PRKN: variants seen among roughly 807,000 people sequenced by gnomAD.
PRKN encodes the protein parkin RBR E3 ubiquitin protein ligase, also known as E3 ubiquitin-protein ligase parkin.
In PRKN, 56 loss-of-function variants were observed where a neutral mutation model predicts 59.5. The ratio of observed to expected loss-of-function variants is 0.94; its 90% CI spans 0.76 to 1.18. PRKN has a LOEUF of 1.18. Among genes scored for constraint, PRKN ranks in the 50% most tolerant of loss-of-function variants. The pLI, the probability that PRKN is intolerant of heterozygous loss-of-function variation, is 0.00. For synonymous variants in PRKN, 250 were observed against 222.1 expected (o/e 1.13, Z -1.12); for missense variants, 657 against 596.4 (o/e 1.10, Z -1.06).
intron 6 of PRKN, among the ~76,000 whole-genome samples, chr6:161,836,144 G>T (rs540468563): frequency 6.6e-6 from 1 of 152,316 alleles, no homozygotes; most frequent in African/African-American, 2.4e-5. Context: ...TTTACAGCCA[G>T]CTTTGGGGGT....
intron 4 of PRKN, among the ~76,000 whole-genome samples, chr6:162,076,783 A>T (rs1034841706): frequency 1.3e-5 from 2 of 152,134 alleles, no homozygotes; most frequent in Non-Finnish European, 2.9e-5. Context: ...CTTTTCTTAA[A>T]ATTTGCTCTT....
chr6:161,842,377 C>A (rs1184274148), intron 6 of PRKN, among the ~76,000 whole-genome samples: 1 of 150,722 alleles, frequency 6.6e-6, no homozygotes, highest in Non-Finnish European at 1.5e-5. Context: ...GAGGCTGAGG[C>A]AGGAGGATCA....
Position 161,545,326 on chromosome 6 carries a change from A to G in PRKN, c.1083+3528T>C, listed in dbSNP as rs1008646104. Reference sequence around the variant, plus strand: ...CGTCTAGGGCTTTTTCCACATCTGGAACTCTGTAATTCTTCTATAGCTTTG... The same window carrying G: ...CGTCTAGGGCTTTTTCCACATCTGGGACTCTGTAATTCTTCTATAGCTTTG... On this transcript the variant is annotated intron_variant, in intron 9 of 11. Transcript: ENST00000366898. The surrounding 1 kb of genome is among the most constrained non-coding windows in gnomAD (Gnocchi z 4.1). The G allele has an allele frequency of 4.4e-6, 7 of 1,589,658 alleles. No individual in the cohort carries two copies. In the Admixed American group the frequency reaches 7.1e-5, roughly 16 times the overall value.
intron 1 of PRKN, among the ~76,000 whole-genome samples, chr6:162,715,443 A>G (rs184461506): frequency 6.6e-6 from 1 of 152,356 alleles, no homozygotes; most frequent in African/African-American, 2.4e-5. Flanking sequence ...AGTCTGAAGT[A>G]CACAAACCTT....
chr6:162,224,371 C>T (rs557044409), intron 3 of PRKN, among the ~76,000 whole-genome samples: 7 of 152,220 alleles, frequency 4.6e-5, no homozygotes, highest in Middle Eastern at 3.4e-3. Context: ...AGGTTTGCAG[C>T]CTAAGAGCAA....
chr6:162,510,961 C>CAT (rs10569158), intron 1 of PRKN, among the ~76,000 whole-genome samples: 30 of 151,064 alleles, frequency 2.0e-4, no homozygotes, highest in East Asian at 7.8e-4. Context: ...AACATATATA[C>CAT]ATATATATAT....
At chr6:162,499,875 A>T (rs1236956268) in intron 1 of PRKN, among the ~76,000 whole-genome samples, 2 of 152,202 alleles carry the variant, frequency 1.3e-5, no homozygotes, top group African/African-American at 4.8e-5. Context: ...CAAATATATC[A>T]TCTTTTCTAG....
At chr6:161,868,273 T>C (rs1794204331) in intron 6 of PRKN, among the ~76,000 whole-genome samples, 1 of 146,142 alleles carries the variant, frequency 6.8e-6, no homozygotes, top group Admixed American at 6.6e-5. Flanking sequence ...GAGGTGATTG[T>C]TACAATTGAA....
chr6:162,184,842 T>C (rs1373526832), intron 4 of PRKN, among the ~76,000 whole-genome samples: 2 of 152,188 alleles, frequency 1.3e-5, no homozygotes, highest in African/African-American at 2.4e-5. Context: ...AGTTTTGGTA[T>C]ATAAACCTTT....
Position 162,068,878 on chromosome 6 carries a change from G to A in PRKN, c.535-14704C>T, listed in dbSNP as rs569814985. On this transcript the variant is annotated intron_variant, in intron 4 of 11. Transcript: ENST00000366898. ...TCATCTTCATGTCTGTCCATGCCCC[G>A]TTTAACAAATTAGGAGAAGGAGCTT... 2.5e-3 allele frequency among the ~76,000 whole-genome samples: 387 copies of A among 152,170 alleles called. 2 individuals carry two copies. Among genetic ancestry groups the A allele is most frequent in the South Asian group, 0.013 (62 of 4,820 alleles).
chr6:162,340,625 C>T (rs377262984), intron 2 of PRKN, among the ~76,000 whole-genome samples: 12 of 152,224 alleles, frequency 7.9e-5, no homozygotes, highest in South Asian at 2.1e-4. Context: ...AATAACACCA[C>T]GCATCTACAA....
intron 4 of PRKN, among the ~76,000 whole-genome samples, chr6:162,054,586 G>C (rs1777782554): frequency 1.3e-5 from 2 of 152,114 alleles, no homozygotes; most frequent in Non-Finnish European, 2.9e-5. Flanking sequence ...ACAGAGCAAG[G>C]GCTGTCTGTC....
intron 4 of PRKN, among the ~76,000 whole-genome samples, chr6:162,110,477 A>G (rs1780382570): frequency 6.6e-6 from 1 of 152,232 alleles, no homozygotes. Context: ...CATTTTTCTC[A>G]AACTGTTCTT....
chr6:162,657,102 T>A (rs1307259109), intron 1 of PRKN, among the ~76,000 whole-genome samples: 1 of 152,192 alleles, frequency 6.6e-6, no homozygotes, highest in African/African-American at 2.4e-5. Flanking sequence ...GAACACCACC[T>A]AGTACATGGC....
chr6:162,697,847 A>C (rs2128236238), intron 1 of PRKN, among the ~76,000 whole-genome samples: 1 of 152,358 alleles, frequency 6.6e-6, no homozygotes, highest in Non-Finnish European at 1.5e-5. Context: ...TAGTAAAAAA[A>C]GTAAATATTC....
intron 2 of PRKN, among the ~76,000 whole-genome samples, chr6:162,339,885 G>T (rs9765905): frequency 6.8e-6 from 1 of 147,170 alleles, no homozygotes; most frequent in Non-Finnish European, 1.5e-5. Context: ...ACTCAGGGTT[G>T]AATGGATTAA....
At chr6:161,855,764 G>GTTC (rs1793624743) in intron 6 of PRKN, among the ~76,000 whole-genome samples, 1 of 151,952 alleles carries the variant, frequency 6.6e-6, no homozygotes, top group African/African-American at 2.4e-5. Flanking sequence ...CTAATATCTT[G>GTTC]TTACCCAACT....
intron 1 of PRKN, among the ~76,000 whole-genome samples, chr6:162,705,812 T>C (rs1778318837): frequency 1.3e-5 from 2 of 152,184 alleles, no homozygotes; most frequent in South Asian, 4.1e-4. Flanking sequence ...TAGTTCCTGC[T>C]GTTTCCTATA....
chr6:162,146,590 C>T lies in PRKN; in HGVS notation c.534+54541G>A, dbSNP rs149292630. On this transcript the variant is annotated intron_variant, in intron 4 of 11. Transcript: ENST00000366898. The stretch of plus-strand genomic sequence containing the variant: ...CACCATCTCAGCTCACTGCAAGTTC[C>T]ACCTCCCAGGTTCAAGTGATTCTCC... 9.2e-3 allele frequency among the ~76,000 whole-genome samples: 1,396 copies of T among 151,982 alleles called. 21 individuals are homozygous for T. Among genetic ancestry groups the T allele is most frequent in the Admixed American group, 0.028 (431 of 15,252 alleles).
Sources: allele counts gnomAD v4.1 joint callset (sites outside exome capture counted in the v4.1 genomes callset), GRCh38; gene constraint gnomAD v4.1.1; non-coding constraint Gnocchi (gnomAD v3.1); transcripts MANE v1.5; gene names NCBI Gene and HGNC (gene_info 2026-07-23, HGNC 2026-07-21).